The following ASAP2 variants were observed in gnomAD, a reference collection of about 807,000 sequenced individuals.
The protein encoded by ASAP2 is ArfGAP with SH3 domain, ankyrin repeat and PH domain 2.
A neutral mutation model predicts 131.4 loss-of-function variants in ASAP2; 45 were observed. The observed-to-expected ratio is 0.34, with a 90% CI of 0.27 to 0.44. The LOEUF is 0.44. ASAP2 is among the 20% of genes least tolerant of loss of function. The pLI is 1.00. For synonymous variants in ASAP2, 510 were observed against 503.0 expected, an observed-to-expected ratio of 1.01 and a Z score of -0.19; for missense variants, 1,011 against 1,297.0, an observed-to-expected ratio of 0.78 and a Z score of 3.39.
In ASAP2 at chr2:9,259,939, T is replaced by C. The variant is rs529195413; in HGVS notation, c.127-19378T>C. Among the ~76,000 whole-genome samples the C allele has an allele frequency of 1.7e-3, 261 of 152,272 alleles. 2 individuals carry two copies. The highest frequency in any genetic ancestry group is 5.9e-3 in the African/African-American group (247 of 41,550). ...CCGAGTATGGAACCCAGGTCTAAAATTGGGAATGGCTGTCCAGTGTCTGCG... is the reference window on the plus strand; with the variant it reads ...CCGAGTATGGAACCCAGGTCTAAAACTGGGAATGGCTGTCCAGTGTCTGCG... On this transcript the variant is annotated intron_variant, in intron 1 of 27. Coordinates refer to ENST00000281419, the MANE Select transcript of ASAP2 (RefSeq NM_003887.3).
intron 11 of ASAP2, among the ~76,000 whole-genome samples, chr2:9,346,872 G>A (rs147573807): frequency 6.6e-6 from 1 of 152,366 alleles, no homozygotes; most frequent in East Asian, 1.9e-4. Context: ...TCCATAGCTT[G>A]AGCTTCCTCT....
chr2:9,286,541 C>A (rs1192074161), intron 2 of ASAP2, among the ~76,000 whole-genome samples: 7 of 151,898 alleles, frequency 4.6e-5, no homozygotes, highest in African/African-American at 1.7e-4. Context: ...CTTACAGTAA[C>A]TAGTACTCTG....
chr2:9,222,116 C>G (rs955238815), intron 1 of ASAP2, among the ~76,000 whole-genome samples: 7 of 152,202 alleles, frequency 4.6e-5, no homozygotes. Flanking sequence ...ATTGCTGGAT[C>G]AGTTCTTAAT....
At chr2:9,396,103 G>A (rs1360572974) in intron 24 of ASAP2, among the ~76,000 whole-genome samples, 1 of 152,088 alleles carries the variant, frequency 6.6e-6, no homozygotes, top group Non-Finnish European at 1.5e-5. Flanking sequence ...GAGCTGGGGC[G>A]AGATTCCAGG....
At chr2:9,286,878 A>G (rs1478881370) in intron 2 of ASAP2, among the ~76,000 whole-genome samples, 2 of 152,246 alleles carry the variant, frequency 1.3e-5, no homozygotes, top group Non-Finnish European at 2.9e-5. Flanking sequence ...GATGATAAAG[A>G]ATATTTTTAT....
intron 2 of ASAP2, among the ~76,000 whole-genome samples, chr2:9,286,708 T>C (rs974369159): frequency 1.3e-5 from 2 of 152,176 alleles, no homozygotes; most frequent in Non-Finnish European, 2.9e-5. Context: ...AGAAATTGGA[T>C]GCCTCCTATA....
At chr2:9,315,802 T>G (rs1261600029) in intron 3 of ASAP2, among the ~76,000 whole-genome samples, 2 of 152,198 alleles carry the variant, frequency 1.3e-5, no homozygotes, top group African/African-American at 4.8e-5. Flanking sequence ...AATTTAATGC[T>G]TAAGGCTGAT....
chr2:9,364,423 C>T (rs1673303101), intron 15 of ASAP2, among the ~76,000 whole-genome samples: 1 of 152,116 alleles, frequency 6.6e-6, no homozygotes. Context: ...GGGAGAATCA[C>T]CTGAGCCCAG....
At chr2:9,211,191 G>A (rs1228422933) in intron 1 of ASAP2, among the ~76,000 whole-genome samples, 3 of 151,554 alleles carry the variant, frequency 2.0e-5, no homozygotes, top group African/African-American at 7.3e-5. Context: ...CCTGGCAGCT[G>A]GTGAGAGCAT....
chr2:9,227,731 TA>T (rs1443603026), intron 1 of ASAP2, among the ~76,000 whole-genome samples: 1 of 152,200 alleles, frequency 6.6e-6, no homozygotes, highest in Non-Finnish European at 1.5e-5. Context: ...TTTATTGAGT[TA>T]AAAAAATATG....
rs184644058 is a variant in ASAP2 at position 9,365,495 on chromosome 2, C to G, written c.1462-2930C>G. On this transcript the variant is annotated intron_variant, in intron 15 of 27. Transcript: ENST00000281419. ...GGACAGGAGGTTTCCCTGCCCCACC[C>G]CAAACTCTCAAAACAATGTCCAGAT... Among the ~76,000 whole-genome samples, 40 of 152,290 alleles carry G rather than the reference C, an allele frequency of 2.6e-4. No homozygotes were observed. In the East Asian group the frequency reaches 6.8e-3, roughly 26 times the overall value.
chr2:9,350,367 C>T (rs749684889), intron 11 of ASAP2: 17 of 153,850 alleles, frequency 1.1e-4, no homozygotes, highest in Non-Finnish European at 1.7e-4. Flanking sequence ...ATTACCTTCA[C>T]TGGAAGTGAG....
chr2:9,400,373 G>A (rs1410032703), intron 25 of ASAP2, among the ~76,000 whole-genome samples: 4 of 44,946 alleles, frequency 8.9e-5, no homozygotes, highest in Non-Finnish European at 1.2e-4. Flanking sequence ...TTCCTCCCCC[G>A]CCACCTGCCT....
At chr2:9,310,380 C>T (rs1669222192) in intron 3 of ASAP2, among the ~76,000 whole-genome samples, 1 of 152,128 alleles carries the variant, frequency 6.6e-6, no homozygotes, top group Non-Finnish European at 1.5e-5. Context: ...AGCTGATTAT[C>T]CTCGAAGAGA....
chr2:9,282,400 ACAT>A (rs1256704277), intron 2 of ASAP2, among the ~76,000 whole-genome samples: 5 of 152,248 alleles, frequency 3.3e-5, no homozygotes, highest in Non-Finnish European at 7.3e-5. Flanking sequence ...CATGTTGATG[ACAT>A]CATTCACAGT....
rs547611590 is a variant in ASAP2, at chr2:9,371,845, G to C, written c.1557-2910G>C. Among the ~76,000 whole-genome samples the C allele has an allele frequency of 2.4e-4, 36 of 152,192 alleles. 1 individual carries two copies. The South Asian group carries it at 7.5e-3, about 32-fold the overall frequency. On this transcript the variant is annotated intron_variant, in intron 16 of 27. Transcript: ENST00000281419. ...AAAAAAAAGAGGGAGGGCCGGGCGC[G>C]GTGGCTCACGCCTGTAATCCCAGCA...
At chr2:9,303,104 A>G (rs1387882977) in intron 3 of ASAP2, among the ~76,000 whole-genome samples, 1 of 152,200 alleles carries the variant, frequency 6.6e-6, no homozygotes, top group Non-Finnish European at 1.5e-5. Context: ...TTGTATTGCA[A>G]ATGTCTTAGA....
chr2:9,334,939 C>T, intron 8 of ASAP2, 126 bp downstream of exon 8: 1 of 1,335,520 alleles, frequency 7.5e-7, no homozygotes, highest in Non-Finnish European at 1.1e-6. Context: ...GTGGCGTTCC[C>T]ACGCCTGTCC....
chr2:9,362,044 A>G (rs1673128343), intron 15 of ASAP2, among the ~76,000 whole-genome samples: 2 of 150,862 alleles, frequency 1.3e-5, no homozygotes, highest in Non-Finnish European at 2.9e-5. Context: ...ACCGTTAAGA[A>G]CCATAAAGTA....
Sources: gnomAD v4.1 joint callset for allele counts (sites outside exome capture counted in the v4.1 genomes callset) on GRCh38, gnomAD v4.1.1 for gene constraint, MANE v1.5 for transcripts, NCBI Gene and HGNC (gene_info 2026-07-23, HGNC 2026-07-21) for gene names.